Variants in PPM1H observed in about 807,000 individuals in gnomAD.
The protein encoded by PPM1H is protein phosphatase, Mg2+/Mn2+ dependent 1H, also known as protein phosphatase 1H.
A neutral mutation model predicts 54.9 loss-of-function variants in PPM1H; 27 were observed. That is an observed-to-expected ratio of 0.49 (90% CI 0.36 to 0.68). The LOEUF is 0.68. PPM1H is among the 30% of genes least tolerant of loss of function. PPM1H has a pLI of 0.00. For missense variants in PPM1H, 596 were observed against 667.8 expected, an observed-to-expected ratio of 0.89 and a Z score of 1.19; for synonymous variants, 305 against 270.8, an observed-to-expected ratio of 1.13 and a Z score of -1.24.
intron 7 of PPM1H, among the ~76,000 whole-genome samples, chr12:62,690,753 C>T (rs2136638489): frequency 6.6e-6 from 1 of 152,288 alleles, no homozygotes; most frequent in Non-Finnish European, 1.5e-5. Flanking sequence ...AGGTGGATCA[C>T]TTGAGGTCAG....
chr12:62,889,209 T>G (rs558075557), intron 1 of PPM1H, among the ~76,000 whole-genome samples: 2 of 152,294 alleles, frequency 1.3e-5, no homozygotes, highest in African/African-American at 4.8e-5. Context: ...TTGATCTACA[T>G]ACTCAATGCA....
At chr12:62,774,356 T>G (rs2120659767) in intron 4 of PPM1H, among the ~76,000 whole-genome samples, 1 of 123,882 alleles carries the variant, frequency 8.1e-6, no homozygotes, top group Middle Eastern at 3.7e-3. Context: ...GAAACCTTTC[T>G]TTCTTTCCTT....
chr12:62,753,051 A>C (rs2076450707), intron 4 of PPM1H, among the ~76,000 whole-genome samples: 1 of 152,222 alleles, frequency 6.6e-6, no homozygotes, highest in African/African-American at 2.4e-5. Context: ...GGGCTAAAAA[A>C]GATTTGTGAA....
At chr12:62,901,918 G>A (rs1354295933) in intron 1 of PPM1H, among the ~76,000 whole-genome samples, 2 of 152,094 alleles carry the variant, frequency 1.3e-5, no homozygotes, top group Admixed American at 1.3e-4. Context: ...TACTACTTCT[G>A]ACATTAGCTT....
intron 4 of PPM1H, among the ~76,000 whole-genome samples, chr12:62,739,179 A>G (rs1180164399): frequency 6.6e-6 from 1 of 152,124 alleles, no homozygotes; most frequent in African/African-American, 2.4e-5. Flanking sequence ...CACTTTTATT[A>G]TGCTGTCTGA....
chr12:62,757,711 C>T (rs191758188), intron 4 of PPM1H, among the ~76,000 whole-genome samples: 16 of 152,318 alleles, frequency 1.1e-4, no homozygotes, highest in Admixed American at 7.2e-4. Context: ...AGAAAACACT[C>T]GGAAGCAGCT....
chr12:62,903,524 T>C (rs527742577), intron 1 of PPM1H, among the ~76,000 whole-genome samples: 12 of 152,242 alleles, frequency 7.9e-5, no homozygotes, highest in Non-Finnish European at 1.5e-4. Context: ...AAGTAACAAC[T>C]AGGCCTGAGG....
At chr12:62,740,186 G>A (rs1450696218) in intron 4 of PPM1H, among the ~76,000 whole-genome samples, 1 of 152,136 alleles carries the variant, frequency 6.6e-6, no homozygotes, top group Non-Finnish European at 1.5e-5. Context: ...TCTACATTCA[G>A]GGTCTATCTA....
chr12:62,784,990 G>A (rs1303839591), intron 4 of PPM1H, among the ~76,000 whole-genome samples: 1 of 152,070 alleles, frequency 6.6e-6, no homozygotes, highest in Admixed American at 6.6e-5. Context: ...TTTATATCTG[G>A]ATACTGGGAC....
intron 1 of PPM1H, among the ~76,000 whole-genome samples, chr12:62,837,682 T>C (rs1868543977): frequency 6.6e-6 from 1 of 152,222 alleles, no homozygotes; most frequent in Non-Finnish European, 1.5e-5. Flanking sequence ...TTATGAGAAT[T>C]AAATGCTCTA....
rs569428292 is a variant in PPM1H, at chr12:62,865,387, C to T, written c.246-33108G>A. On this transcript the variant is annotated intron_variant, in intron 1 of 9. Coordinates refer to ENST00000228705, the MANE Select transcript of PPM1H (RefSeq NM_020700.2). ...ACCGTCACTGTCTGTAATATCCTCCCCTCCTCTGTCTCTCTAGTCTCCACA... is the reference window on the plus strand; with the variant it reads ...ACCGTCACTGTCTGTAATATCCTCCTCTCCTCTGTCTCTCTAGTCTCCACA... Among the ~76,000 whole-genome samples, 3 of 152,270 alleles carry T rather than the reference C, an allele frequency of 2.0e-5. No homozygotes were observed. In the South Asian group the frequency reaches 6.2e-4, roughly 32 times the overall value.
intron 2 of PPM1H, among the ~76,000 whole-genome samples, chr12:62,826,234 G>A (rs1860879189): frequency 6.6e-6 from 1 of 152,194 alleles, no homozygotes; most frequent in African/African-American, 2.4e-5. Flanking sequence ...CAGATCCCCT[G>A]AGGTCAGAAG....
At chr12:62,861,845 C>T (rs1161396325) in intron 1 of PPM1H, among the ~76,000 whole-genome samples, 2 of 152,158 alleles carry the variant, frequency 1.3e-5, no homozygotes, top group Non-Finnish European at 2.9e-5. Flanking sequence ...CTCCAGCTGC[C>T]TGGGAATATG....
At chr12:62,901,848 G>A (rs1871170225) in intron 1 of PPM1H, among the ~76,000 whole-genome samples, 1 of 152,160 alleles carries the variant, frequency 6.6e-6, no homozygotes, top group African/African-American at 2.4e-5. Flanking sequence ...CAGGAGGGAA[G>A]TGCAAGGAGG....
chr12:62,762,309 G>C (rs1385182566), intron 4 of PPM1H, among the ~76,000 whole-genome samples: 1 of 152,186 alleles, frequency 6.6e-6, no homozygotes, highest in Non-Finnish European at 1.5e-5. Context: ...ATGAGCGTCA[G>C]AGGCCTCAGC....
intron 5 of PPM1H, among the ~76,000 whole-genome samples, chr12:62,733,590 C>T (rs2076335202): frequency 6.6e-6 from 1 of 152,130 alleles, no homozygotes; most frequent in African/African-American, 2.4e-5. Context: ...CTATTAATCT[C>T]TAATTCCCTC....
At chr12:62,751,269 T>TA (rs1370213669) in intron 4 of PPM1H, among the ~76,000 whole-genome samples, 1 of 152,056 alleles carries the variant, frequency 6.6e-6, no homozygotes, top group Non-Finnish European at 1.5e-5. Flanking sequence ...CCTCTTTACT[T>TA]AAAAAACAGC....
At chr12:62,659,622 AAAAG>A (rs2075871213) in intron 9 of PPM1H, among the ~76,000 whole-genome samples, 1 of 152,198 alleles carries the variant, frequency 6.6e-6, no homozygotes, top group Admixed American at 6.5e-5. Flanking sequence ...AAGAAAAACA[AAAAG>A]AAAAGGAACC....
intron 3 of PPM1H, among the ~76,000 whole-genome samples, chr12:62,792,670 C>T (rs2076707184): frequency 6.6e-6 from 1 of 152,164 alleles, no homozygotes; most frequent in African/African-American, 2.4e-5. Context: ...TCTATTTCTT[C>T]TAAAACCGTG....
Sources: allele counts gnomAD v4.1 joint callset (sites outside exome capture counted in the v4.1 genomes callset), GRCh38; gene constraint gnomAD v4.1.1; transcripts MANE v1.5; gene names NCBI Gene and HGNC (gene_info 2026-07-23, HGNC 2026-07-21).